Variants in FBN2 observed in about 807,000 individuals in gnomAD.
FBN2 encodes fibrillin 2, also known as fibrillin-2.
A neutral mutation model predicts 355.6 loss-of-function variants in FBN2; 105 were observed. The ratio of observed to expected loss-of-function variants is 0.30; its 90% confidence interval spans 0.25 to 0.35. The LOEUF is 0.35. Ranked by LOEUF, FBN2 falls within the 10% of genes least tolerant of loss-of-function variation. The pLI, the probability that FBN2 is intolerant of heterozygous loss-of-function variation, is 1.00. For synonymous variants in FBN2, 1,350 were observed against 1,301.2 expected (o/e 1.04, Z -0.81); for missense variants, 3,280 against 3,758.7 (o/e 0.87, Z 3.33).
chr5:128,436,917 G>A (rs1159181828), intron 7 of FBN2, among the ~76,000 whole-genome samples: 1 of 152,066 alleles, frequency 6.6e-6, no homozygotes. Flanking sequence ...CTAACTGCGG[G>A]GAATATCAAG....
intron 34 of FBN2, among the ~76,000 whole-genome samples, chr5:128,325,253 AG>A (rs1436923980): frequency 1.1e-4 from 17 of 152,224 alleles, no homozygotes; most frequent in African/African-American, 4.1e-4. Flanking sequence ...GTCTCTTTGT[AG>A]GTCTCTAAGA....
At chr5:128,421,156 C>A in intron 7 of FBN2, among the ~76,000 whole-genome samples, 1 of 152,226 alleles carries the variant, frequency 6.6e-6, no homozygotes, top group Non-Finnish European at 1.5e-5. Flanking sequence ...AGTTAAGTGA[C>A]AGGCCTAGAA....
intron 64 of FBN2, among the ~76,000 whole-genome samples, chr5:128,260,848 G>T (rs1041499310): frequency 1.3e-5 from 2 of 152,168 alleles, no homozygotes; most frequent in African/African-American, 4.8e-5. Context: ...AGGTTTTTTG[G>T]TGGGGTAATT....
In FBN2 at chr5:128,278,767, C is replaced by A; in HGVS notation, c.7213G>T (p.Val2405Phe). 1 of 1,614,098 alleles carries A rather than the reference C, an allele frequency of 6.2e-7. No individual in the cohort carries two copies. The highest frequency in any genetic ancestry group is 8.5e-7 in the Non-Finnish European group (1 of 1,179,996). Residue 2405 changes from valine (V) to phenylalanine (F), a missense_variant, in exon 57 of 65, where the codon GTC (valine) becomes TTC (phenylalanine). By Grantham distance (50) the Val-to-Phe change is conservative (BLOSUM62 -1). Coordinates refer to ENST00000262464, the MANE Select transcript of FBN2 (RefSeq NM_001999.4). Reference sequence around the variant, plus strand: ...TCACAGCAGCATTCTGACTTAGTGACGAGATTGCGACTACTGGATGCCATT... The same window carrying A: ...TCACAGCAGCATTCTGACTTAGTGAAGAGATTGCGACTACTGGATGCCATT... ...CQMASSSRNL[V>F]TKSECCCDGG...
At position 128,349,946 on chromosome 5, in the gene FBN2, T is replaced by C; in HGVS notation, c.2863+9A>G. 6.2e-7 allele frequency: 1 copy of C among 1,606,038 alleles called. No individual in the cohort carries two copies. The highest frequency in any genetic ancestry group is 8.5e-7 in the Non-Finnish European group (1 of 1,172,488). On this transcript the variant is annotated intron_variant, in intron 22 of 64. Transcript: ENST00000262464. ...ATGTATAGTATCTTCCAAGGAAGGA[T>C]ACACTCACCTTCACACGTAACACCT...
Position 128,335,847 on chromosome 5 carries a change from C to T in FBN2, c.3724+141G>A, listed in dbSNP as rs1750822100. ...TGAGTGAGTCTGCTGCAAGATCACA[C>T]AATAACTGAGATCTGCCCCTAGTCT... is the stretch of plus-strand genomic sequence containing the variant. On this transcript the variant is annotated intron_variant, in intron 28 of 64. Transcript: ENST00000262464. 2.0e-5 allele frequency: 18 copies of T among 917,672 alleles called. No individual in the cohort carries two copies. The South Asian group carries it at 2.2e-4, about 11-fold the overall frequency. 56.8% of individuals were successfully genotyped at this position (917,672 alleles called of 1,614,324 possible).
chr5:128,364,757 A>C (rs776257725), intron 17 of FBN2, 32 bp from the exon 18 acceptor site: 2 of 1,586,940 alleles, frequency 1.3e-6, no homozygotes, highest in African/African-American at 1.3e-5. Flanking sequence ...TAGTGCTATC[A>C]ACAAACATGT....
In FBN2 at chr5:128,344,390, C is replaced by A. The variant is rs1447614797; in HGVS notation, c.3338G>T (p.Cys1113Phe). 6.2e-7 allele frequency: 1 copy of A among 1,614,090 alleles called. No homozygotes were observed. The highest frequency in any genetic ancestry group is 8.5e-7 in the Non-Finnish European group (1 of 1,179,940). The change falls in exon 25 of 65, where the codon TGC (cysteine) becomes TTC (phenylalanine). Residue 1113 changes from cysteine (C) to phenylalanine (F), a missense_variant. Physicochemically the swap from Cys to Phe is radical, Grantham distance 205. Coordinates refer to ENST00000262464, the MANE Select transcript of FBN2 (RefSeq NM_001999.4). ...GFALDMEERN[C>F]TDIDECRISP... ...AAACAGCAGAACCATCTTACCCGTG[C>A]AGTTTCTTTCCTCCATGTCTAGAGC... is the stretch of plus-strand genomic sequence containing the variant.
chr5:128,326,283 C>T (rs1411885867), intron 34 of FBN2, among the ~76,000 whole-genome samples: 1 of 152,150 alleles, frequency 6.6e-6, no homozygotes, highest in Non-Finnish European at 1.5e-5. Context: ...CCCAAAGTTT[C>T]GTAAGGTGGA....
rs117241985 is a variant in FBN2 at position 128,386,402 on chromosome 5, C to G, written c.1603+5616G>C. ...CTATATCCCTGTTTTTGTACCAGTA[C>G]TGTACTGTTTTGGTAGCTGTTGCCT... is the stretch of plus-strand genomic sequence containing the variant. On this transcript the variant is annotated intron_variant, in intron 11 of 64. Transcript: ENST00000262464. Among the ~76,000 whole-genome samples, 51 of 152,180 alleles carry G rather than the reference C, an allele frequency of 3.4e-4. No homozygotes were observed. In the East Asian group the frequency reaches 9.5e-3, roughly 28 times the overall value.
chr5:128,403,325 G>A (rs1192870438), intron 8 of FBN2, among the ~76,000 whole-genome samples: 2 of 152,106 alleles, frequency 1.3e-5, no homozygotes, highest in Non-Finnish European at 2.9e-5. Context: ...GCACTAACAC[G>A]TTTGGAAAGC....
At position 128,273,808 on chromosome 5, in the gene FBN2, T is replaced by C. The variant is rs1241262197; in HGVS notation, c.7840+32A>G. On this transcript the variant is annotated intron_variant, in intron 61 of 64. Coordinates refer to ENST00000262464, the MANE Select transcript of FBN2 (RefSeq NM_001999.4). The stretch of plus-strand genomic sequence containing the variant: ...AAAAATATATATGGTTTACTGTTAT[T>C]AGATTAAGAATTTTTGAGCAAATCA... 3 of 1,605,186 alleles carry C rather than the reference T, an allele frequency of 1.9e-6. No homozygotes were observed. The Admixed American group carries it at 5.0e-5, about 27-fold the overall frequency.
intron 7 of FBN2, among the ~76,000 whole-genome samples, chr5:128,442,656 C>T (rs1055278019): frequency 2.6e-5 from 4 of 152,164 alleles, no homozygotes; most frequent in African/African-American, 9.7e-5. Flanking sequence ...ATAAACATGG[C>T]TGCAGTGAGC....
chr5:128,435,614 G>A (rs1237820615), intron 7 of FBN2, among the ~76,000 whole-genome samples: 4 of 152,114 alleles, frequency 2.6e-5, no homozygotes, highest in Admixed American at 1.3e-4. Flanking sequence ...TGCAGCAGGA[G>A]CACAGATGGA....
At chr5:128,505,757 C>T (rs1436933130) in intron 5 of FBN2, among the ~76,000 whole-genome samples, 1 of 152,074 alleles carries the variant, frequency 6.6e-6, no homozygotes, top group Non-Finnish European at 1.5e-5. Context: ...TTTGCTCAGC[C>T]TAAATAATTT....
At position 128,289,130 on chromosome 5, in the gene FBN2, C is replaced by A. The variant is rs1749245197; in HGVS notation, c.6634G>T (p.Val2212Leu). ...YNLDYTGVRCVDTDECSIGNP... is the reference protein window; with the variant it reads ...YNLDYTGVRCLDTDECSIGNP... ...GTAATGTGGAGCCAACACTCACCCACACAGCGTACTCCAGTGTAGTCAAGG... is the reference window on the plus strand; with the variant it reads ...GTAATGTGGAGCCAACACTCACCCAAACAGCGTACTCCAGTGTAGTCAAGG... The change falls in exon 52 of 65, where the codon GTG (valine) becomes TTG (leucine). Residue 2212 changes from valine to leucine, a missense_variant. Val to Leu is a conservative substitution (Grantham distance 32). Coordinates refer to ENST00000262464, the MANE Select transcript of FBN2 (RefSeq NM_001999.4). 6.2e-7 allele frequency: 1 copy of A among 1,614,116 alleles called. No homozygotes were observed. The highest frequency in any genetic ancestry group is 1.3e-5 in the African/African-American group (1 of 75,058).
intron 4 of FBN2, among the ~76,000 whole-genome samples, chr5:128,525,055 G>A (rs957525416): frequency 6.6e-6 from 1 of 152,124 alleles, no homozygotes; most frequent in Admixed American, 6.5e-5. Flanking sequence ...ACCCACTAGA[G>A]CGTGTTCTGT....
chr5:128,513,365 G>A (rs956296197), intron 5 of FBN2, among the ~76,000 whole-genome samples: 5 of 152,088 alleles, frequency 3.3e-5, no homozygotes, highest in African/African-American at 1.2e-4. Context: ...GTTTTTCCCA[G>A]TTTCTACACC....
rs149180427 is a variant in FBN2, at chr5:128,261,893, C to T, written c.8207G>A (p.Gly2736Glu). 4.8e-5 allele frequency: 77 copies of T among 1,613,982 alleles called. No homozygotes were observed. The highest frequency in any genetic ancestry group is 6.2e-5 in the Non-Finnish European group (73 of 1,179,942). Reference protein sequence around the residue: ...YRVGQGHCVSGMGFNKGQYLS... With the variant: ...YRVGQGHCVSEMGFNKGQYLS... ...GTACTGCCCCTTGTTAAATCCCATTCCTGAGACACAGTGGCTATTTGCAAA... is the reference window on the plus strand; with the variant it reads ...GTACTGCCCCTTGTTAAATCCCATTTCTGAGACACAGTGGCTATTTGCAAA... The change falls in exon 64 of 65, where the codon GGA becomes GAA. Residue 2736 changes from glycine (G) to glutamate (E), a missense_variant. Coordinates refer to ENST00000262464, the MANE Select transcript of FBN2 (RefSeq NM_001999.4).
Sources: gnomAD v4.1 joint callset for allele counts (sites outside exome capture counted in the v4.1 genomes callset) on GRCh38, gnomAD v4.1.1 for gene constraint, MANE v1.5 for transcripts, NCBI Gene and HGNC (gene_info 2026-07-23, HGNC 2026-07-21) for gene names.